The following PGK1 variants were observed in gnomAD, a reference collection of about 807,000 sequenced individuals.
PGK1 encodes the protein PRP 2.
A neutral mutation model predicts 26.9 loss-of-function variants in PGK1; 3 were observed. That is an observed-to-expected ratio of 0.11 (90% CI 0.05 to 0.29). The LOEUF (loss-of-function observed/expected upper bound fraction) is 0.29. Ranked by LOEUF, PGK1 falls within the 10% of genes least tolerant of loss-of-function variation. The pLI is 1.00. For missense variants in PGK1, 270 were observed against 314.7 expected (o/e 0.86, Z 1.07); for synonymous variants, 125 against 115.3 (o/e 1.08, Z -0.54).
Position 78,128,846 on chromosome X carries a change from T to C in PGK1, c.*3016T>C, listed in dbSNP as rs1292606054. 9.0e-6 allele frequency: 1 copy of C among 111,243 alleles called. No homozygotes were observed. The highest frequency in any genetic ancestry group is 2.8e-4 in the East Asian group (1 of 3,533). 9.2% of individuals were successfully genotyped at this position (111,243 alleles called of 1,213,427 possible). On this transcript the variant is annotated 3_prime_UTR_variant, in exon 11 of 11. Transcript: ENST00000373316. ...CCTTCCTCAGTCCCCTACCTACCAG[T>C]TTCCCTCCCCAGAAGCAACCTCTGG... is the stretch of plus-strand genomic sequence containing the variant.
Position 78,109,878 on chromosome X carries a change from A to G in PGK1, c.77A>G (p.Asn26Ser), listed in dbSNP as rs1045428290. The change falls in exon 2 of 11, where the codon AAT becomes AGT. Residue 26 changes from asparagine (N) to serine (S), a missense_variant. Asn to Ser is a conservative substitution (Grantham distance 46, BLOSUM62 1). This residue lies in a region of PGK1 where 150 missense variants were observed against 154.6 expected (regional missense o/e 0.97). Coordinates refer to ENST00000373316, the MANE Select transcript of PGK1 (RefSeq NM_000291.4). ...GKRVVMRVDFNVPMKNNQITN... is the reference protein window; with the variant it reads ...GKRVVMRVDFSVPMKNNQITN... The stretch of plus-strand genomic sequence containing the variant: ...TCTTTCTTTTTTAGAGTCGACTTCA[A>G]TGTTCCTATGAAGAACAACCAGATA... 5.9e-6 allele frequency: 7 copies of G among 1,195,266 alleles called. No individual in the cohort carries two copies. The highest frequency in any genetic ancestry group is 3.0e-5 in the East Asian group (1 of 33,793).
chrX:78,105,928 G>A (rs2078270437), intron 1 of PGK1, among the ~76,000 whole-genome samples: 1 of 111,916 alleles, frequency 8.9e-6, no homozygotes, highest in Admixed American at 9.4e-5. Context: ...CATGCAACTA[G>A]CTTTTAGGTT....
At position 78,127,516 on chromosome X, in the gene PGK1, T is replaced by C. The variant is rs1490497152; in HGVS notation, c.*1686T>C. 1 of 111,889 alleles carries C rather than the reference T, an allele frequency of 8.9e-6. No individual in the cohort carries two copies. The highest frequency in any genetic ancestry group is 1.9e-5 in the Non-Finnish European group (1 of 53,191). 9.2% of individuals were successfully genotyped at this position (111,889 alleles called of 1,213,427 possible). A position where few individuals can be genotyped will look rare whatever the true frequency, so the allele number is the denominator to read the frequency against. ...CCTTTAGGGACAAAGAAATAAACTT[T>C]TGGACAGGACCACAGAGCTAGTAAG... On this transcript the variant is annotated 3_prime_UTR_variant, in exon 11 of 11. Coordinates refer to ENST00000373316, the MANE Select transcript of PGK1 (RefSeq NM_000291.4).
rs1015254595 is a variant in PGK1 at position 78,128,706 on chromosome X, C to T, written c.*2876C>T. 7.2e-5 allele frequency: 8 copies of T among 111,393 alleles called. No homozygotes were observed. Among genetic ancestry groups the T allele is most frequent in the East Asian group, 2.9e-4 (1 of 3,470 alleles). The allele number at this position is 111,393 out of a possible 1,213,427, so 9.2% of individuals were successfully genotyped here. ...ATGCAGAAAAAAATAATTCCCATGTCGTAAGTGAACAATTTGGTTCTTTAG... is the reference window on the plus strand; with the variant it reads ...ATGCAGAAAAAAATAATTCCCATGTTGTAAGTGAACAATTTGGTTCTTTAG... On this transcript the variant is annotated 3_prime_UTR_variant, in exon 11 of 11. Coordinates refer to ENST00000373316, the MANE Select transcript of PGK1 (RefSeq NM_000291.4).
intron 4 of PGK1, 134 bp downstream of exon 4, chrX:78,114,294 G>A: frequency 3.1e-6 from 2 of 650,529 alleles, no homozygotes; most frequent in Non-Finnish European, 5.1e-6. Context: ...GACACAGCTT[G>A]ATGGGTTATC....
intron 6 of PGK1, among the ~76,000 whole-genome samples, chrX:78,121,593 G>A (rs1311822840): frequency 4.4e-5 from 5 of 112,492 alleles, no homozygotes; most frequent in Non-Finnish European, 7.5e-5. Context: ...CTTGTTTATT[G>A]AATGAAGAAG....
rs1557245894 is a variant in PGK1 at position 78,104,276 on chromosome X, C to T, written c.-65C>T. On this transcript the variant is annotated 5_prime_UTR_variant, in exon 1 of 11. Coordinates refer to ENST00000373316, the MANE Select transcript of PGK1 (RefSeq NM_000291.4). ...CCGCATTCTGCAAGCCTCCGGAGCG[C>T]ACGTCGGCAGTCGGCTCCCTCGTTG... is the stretch of plus-strand genomic sequence containing the variant. The T allele has an allele frequency of 8.3e-6, 7 of 840,045 alleles. No homozygotes were observed. The highest frequency in any genetic ancestry group is 6.8e-5 in the Admixed American group (3 of 44,081). 69.2% of individuals were successfully genotyped at this position (840,045 alleles called of 1,213,427 possible).
rs782089833 is a variant in PGK1, at chrX:78,128,172, A to G, written c.*2342A>G. ...TGTGCTTAAAGACGTGATAGAGGGA[A>G]TATAAGAGCATTTATGTTCTGAAGG... On this transcript the variant is annotated 3_prime_UTR_variant, in exon 11 of 11. Transcript: ENST00000373316. 8.8e-6 allele frequency: 1 copy of G among 113,176 alleles called. No individual in the cohort carries two copies. Among genetic ancestry groups the G allele is most frequent in the Admixed American group, 9.3e-5 (1 of 10,755 alleles). The allele number at this position is 113,176 out of a possible 1,213,427, so 9.3% of individuals were successfully genotyped here.
At chrX:78,117,442 A>G in intron 5 of PGK1, 27 bp downstream of exon 5, 1 of 941,112 alleles carries the variant, frequency 1.1e-6, no homozygotes, top group Non-Finnish European at 1.5e-6. Context: ...AGACTACCAC[A>G]CTGAGAACAG....
Position 78,127,607 on chromosome X carries a change from C to T in PGK1, c.*1777C>T, listed in dbSNP as rs1480622592. On this transcript the variant is annotated 3_prime_UTR_variant, in exon 11 of 11. Transcript: ENST00000373316. Reference sequence around the variant, plus strand: ...GGCTGATGCTTTTCCAATGTGCCTCCGTCCCTGACATGATGCTTCTAGGCT... The same window carrying T: ...GGCTGATGCTTTTCCAATGTGCCTCTGTCCCTGACATGATGCTTCTAGGCT... 5.4e-5 allele frequency: 6 copies of T among 111,802 alleles called. No individual in the cohort carries two copies. The highest frequency in any genetic ancestry group is 1.3e-4 in the African/African-American group (4 of 30,729). The allele number at this position is 111,802 out of a possible 1,213,427, so 9.2% of individuals were successfully genotyped here. A position where few individuals can be genotyped will look rare whatever the true frequency, so the allele number is the denominator to read the frequency against.
Position 78,126,749 on chromosome X carries a change from A to G in PGK1, c.*919A>G, listed in dbSNP as rs2078385505. On this transcript the variant is annotated 3_prime_UTR_variant, in exon 11 of 11. Transcript: ENST00000373316. ...ATTCTCTCGGTATAGTTTTGTCACA[A>G]TTATAGATTAGATCAAAAGTCTACA... 1 of 106,911 alleles carries G rather than the reference A, an allele frequency of 9.4e-6. No individual in the cohort carries two copies. The highest frequency in any genetic ancestry group is 3.4e-5 in the African/African-American group (1 of 29,050). 8.8% of individuals were successfully genotyped at this position (106,911 alleles called of 1,213,427 possible). A position where few individuals can be genotyped will look rare whatever the true frequency, so the allele number is the denominator to read the frequency against.
At chrX:78,119,249 C>T (rs1418660577) in intron 6 of PGK1, among the ~76,000 whole-genome samples, 2 of 112,016 alleles carry the variant, frequency 1.8e-5, no homozygotes, top group Admixed American at 9.4e-5. Context: ...AGATTACATA[C>T]CTATTTTATC....
chrX:78,115,410 C>T (rs1264965631), intron 4 of PGK1, among the ~76,000 whole-genome samples: 3 of 111,107 alleles, frequency 2.7e-5, no homozygotes, highest in African/African-American at 9.8e-5. Context: ...GTAATCCCAG[C>T]GCTTTGGGAG....
chrX:78,120,517 C>T (rs1474270940), intron 6 of PGK1, among the ~76,000 whole-genome samples: 2 of 107,608 alleles, frequency 1.9e-5, no homozygotes, highest in Admixed American at 9.9e-5. Context: ...TTTTCTGATA[C>T]AGGGTCTCAC....
In PGK1 at chrX:78,127,675, CTA is replaced by C. The variant is rs1376082986; in HGVS notation, c.*1847_*1848del. On this transcript the variant is annotated 3_prime_UTR_variant, in exon 11 of 11. Transcript: ENST00000373316. The stretch of plus-strand genomic sequence containing the variant: ...CTATCCCTGACATGATGCTTCTAGA[CTA>C]TTTTGTTTAACCCTGGATAGAATAG... 6.3e-5 allele frequency: 7 copies of C among 111,965 alleles called. No homozygotes were observed. Among genetic ancestry groups the C allele is most frequent in the Non-Finnish European group, 1.1e-4 (6 of 53,233 alleles). The allele number at this position is 111,965 out of a possible 1,213,427, so 9.2% of individuals were successfully genotyped here. A position where few individuals can be genotyped will look rare whatever the true frequency, so the allele number is the denominator to read the frequency against.
intron 1 of PGK1, chrX:78,106,343 A>G: frequency 1.4e-6 from 1 of 690,431 alleles, no homozygotes; most frequent in Non-Finnish European, 1.7e-6. Context: ...GGATACGTTG[A>G]AATAGAACTT....
chrX:78,115,828 C>T (rs1439360883), intron 4 of PGK1, among the ~76,000 whole-genome samples: 4 of 111,305 alleles, frequency 3.6e-5, no homozygotes, highest in Non-Finnish European at 7.5e-5. Context: ...TCATGAAGAG[C>T]TTTCAATTTA....
Position 78,128,146 on chromosome X carries a change from A to G in PGK1, c.*2316A>G, listed in dbSNP as rs2078390957. The G allele has an allele frequency of 8.8e-6, 1 of 113,008 alleles. No individual in the cohort carries two copies. Among genetic ancestry groups the G allele is most frequent in the South Asian group, 3.6e-4 (1 of 2,808 alleles). 9.3% of individuals were successfully genotyped at this position (113,008 alleles called of 1,213,427 possible). ...TTAGGCAAATATTTGAGTTCCTTCT[A>G]TGTGCTTAAAGACGTGATAGAGGGA... is the stretch of plus-strand genomic sequence containing the variant. On this transcript the variant is annotated 3_prime_UTR_variant, in exon 11 of 11. Coordinates refer to ENST00000373316, the MANE Select transcript of PGK1 (RefSeq NM_000291.4).
At chrX:78,105,076 G>C (rs782088810) in intron 1 of PGK1, among the ~76,000 whole-genome samples, 1 of 112,414 alleles carries the variant, frequency 8.9e-6, no homozygotes, top group Non-Finnish European at 1.9e-5. Context: ...GGTAATGGTA[G>C]AGCAGGGTGT....
Sources: allele counts gnomAD v4.1 joint callset (sites outside exome capture counted in the v4.1 genomes callset), GRCh38; gene constraint gnomAD v4.1.1; regional missense constraint gnomAD v4.1.1; transcripts MANE v1.5; gene names NCBI Gene and HGNC (gene_info 2026-07-23, HGNC 2026-07-21).